The following LRP1B variants were observed in gnomAD, a reference collection of about 807,000 sequenced individuals.
LRP1B encodes LDL receptor related protein 1B, also known as low-density lipoprotein receptor-related protein 1B.
A neutral mutation model predicts 556.6 loss-of-function variants in LRP1B; 217 were observed. The observed-to-expected ratio is 0.39, with a 90% CI of 0.35 to 0.44. LRP1B has a LOEUF of 0.44. LRP1B is among the 20% of genes least tolerant of loss of function. The pLI is 1.00. For synonymous variants in LRP1B, 2,047 were observed against 1,865.8 expected, an observed-to-expected ratio of 1.10 and a Z score of -2.50; for missense variants, 5,053 against 5,620.8, an observed-to-expected ratio of 0.90 and a Z score of 3.23.
chr2:141,211,076 C>T (rs574784904), intron 6 of LRP1B, among the ~76,000 whole-genome samples: 114 of 152,174 alleles, frequency 7.5e-4, no homozygotes, highest in African/African-American at 2.7e-3. Context: ...CAACCTCTGC[C>T]TTCCAGGTTC....
intron 18 of LRP1B, among the ~76,000 whole-genome samples, chr2:140,980,532 A>T (rs1032137439): frequency 1.8e-4 from 28 of 152,162 alleles, no homozygotes; most frequent in African/African-American, 6.8e-4. Flanking sequence ...TATGTCAATT[A>T]CCACCACTTA....
intron 27 of LRP1B, among the ~76,000 whole-genome samples, chr2:140,864,491 G>A (rs1217001070): frequency 2.0e-5 from 3 of 151,828 alleles, no homozygotes; most frequent in Non-Finnish European, 2.9e-5. Flanking sequence ...ACTAACAACT[G>A]TAAAGTACTA....
At chr2:140,600,440 AG>A (rs1471969822) in intron 42 of LRP1B, among the ~76,000 whole-genome samples, 1 of 152,136 alleles carries the variant, frequency 6.6e-6, no homozygotes, top group African/African-American at 2.4e-5. Context: ...GCTCTATAAA[AG>A]GGTTCAGATT....
chr2:140,618,517 A>T (rs1683335156), intron 41 of LRP1B, among the ~76,000 whole-genome samples: 1 of 152,204 alleles, frequency 6.6e-6, no homozygotes, highest in African/African-American at 2.4e-5. Flanking sequence ...TTGAGAAAAT[A>T]AGTTAGAAAC....
chr2:140,446,778 T>C (rs141344371), intron 63 of LRP1B, among the ~76,000 whole-genome samples: 8 of 152,174 alleles, frequency 5.3e-5, no homozygotes, highest in African/African-American at 1.7e-4. Context: ...AAAAACTGTT[T>C]GGATATGACT....
At chr2:141,433,338 C>T (rs1257623975) in intron 3 of LRP1B, among the ~76,000 whole-genome samples, 2 of 151,878 alleles carry the variant, frequency 1.3e-5, no homozygotes, top group East Asian at 1.9e-4. Context: ...GAAAGTGGTC[C>T]GTGTGTGCTT....
At chr2:141,554,733 T>C (rs983468819) in intron 2 of LRP1B, among the ~76,000 whole-genome samples, 1 of 151,994 alleles carries the variant, frequency 6.6e-6, no homozygotes, top group African/African-American at 2.4e-5. Context: ...AGATTTAATT[T>C]AGTTCAAAAA....
chr2:140,883,688 CA>C, intron 25 of LRP1B, 128 bp downstream of exon 25: 18 of 541,500 alleles, frequency 3.3e-5, no homozygotes, highest in South Asian at 1.3e-4. Context: ...CCGCCCCCGC[CA>C]CACACACACA....
At chr2:142,037,786 C>T (rs1703935416) in intron 1 of LRP1B, among the ~76,000 whole-genome samples, 1 of 151,146 alleles carries the variant, frequency 6.6e-6, no homozygotes, top group South Asian at 2.1e-4. Context: ...AACGTTTATA[C>T]ATTATTACCC....
intron 35 of LRP1B, among the ~76,000 whole-genome samples, chr2:140,736,145 G>A (rs1042012061): frequency 1.3e-5 from 2 of 152,056 alleles, no homozygotes; most frequent in African/African-American, 2.4e-5. Context: ...AAGAGGATGA[G>A]GGAAGGAAGT....
intron 1 of LRP1B, among the ~76,000 whole-genome samples, chr2:141,816,112 G>T (rs1030342091): frequency 1.3e-5 from 2 of 151,974 alleles, no homozygotes; most frequent in African/African-American, 4.8e-5. Flanking sequence ...TATAGGGAGG[G>T]ATAGATACAG....
intron 1 of LRP1B, among the ~76,000 whole-genome samples, chr2:142,099,089 G>T (rs1706479732): frequency 6.6e-6 from 1 of 151,782 alleles, no homozygotes. Context: ...GAATAAAAAT[G>T]AGAATGGCAC....
At chr2:141,987,614 A>T (rs1432619148) in intron 1 of LRP1B, among the ~76,000 whole-genome samples, 1 of 136,158 alleles carries the variant, frequency 7.3e-6, no homozygotes, top group Non-Finnish European at 1.6e-5. Context: ...AGGGTTTGGG[A>T]GGGAATGAAT....
At chr2:140,936,701 GACTA>G (rs1695236618) in intron 20 of LRP1B, among the ~76,000 whole-genome samples, 1 of 151,996 alleles carries the variant, frequency 6.6e-6, no homozygotes, top group South Asian at 2.1e-4. Flanking sequence ...TGATTTAAAA[GACTA>G]ACTTTGAAAA....
At chr2:140,430,933 T>C (rs59713678) in intron 66 of LRP1B, among the ~76,000 whole-genome samples, 4,387 of 152,264 alleles carry the variant, frequency 0.029, 73 homozygotes, top group Middle Eastern at 0.075. Context: ...TTTACTCACA[T>C]GCCCTGAGTC....
At chr2:141,860,995 A>G (rs771144004) in intron 1 of LRP1B, among the ~76,000 whole-genome samples, 1 of 152,206 alleles carries the variant, frequency 6.6e-6, no homozygotes, top group Non-Finnish European at 1.5e-5. Flanking sequence ...AAATTCGTAT[A>G]TTGCACAATT....
At chr2:141,560,466 C>T (rs1686107135) in intron 2 of LRP1B, among the ~76,000 whole-genome samples, 1 of 151,676 alleles carries the variant, frequency 6.6e-6, no homozygotes, top group African/African-American at 2.4e-5. Flanking sequence ...TTTTATTCAA[C>T]TTTTCCAAAG....
chr2:142,060,596 C>T (rs937189634), intron 1 of LRP1B, among the ~76,000 whole-genome samples: 1 of 151,978 alleles, frequency 6.6e-6, no homozygotes, highest in African/African-American at 2.4e-5. Context: ...ATGGCAACAT[C>T]GTTGTCTTAT....
chr2:141,120,619 T>C, intron 7 of LRP1B, among the ~76,000 whole-genome samples: 1 of 152,140 alleles, frequency 6.6e-6, no homozygotes, highest in Non-Finnish European at 1.5e-5. Flanking sequence ...AAATTCATTT[T>C]CAGATTTATA....
Sources: allele counts gnomAD v4.1 joint callset (sites outside exome capture counted in the v4.1 genomes callset), GRCh38; gene constraint gnomAD v4.1.1; transcripts MANE v1.5; gene names NCBI Gene and HGNC (gene_info 2026-07-23, HGNC 2026-07-21).